SGCZ: variants seen among roughly 807,000 people sequenced by gnomAD.
SGCZ encodes zeta-sarcoglycan.
SGCZ carries 40 observed loss-of-function variants against 41.3 expected under a neutral mutation model. The observed-to-expected ratio is 0.97, with a 90% confidence interval of 0.75 to 1.26. The LOEUF is 1.26. SGCZ is among the 50% of genes most tolerant of loss of function. The probability of loss-of-function intolerance (pLI) is 0.00; values close to 1 mark genes in which losing one functional copy is unlikely to be tolerated. For synonymous variants in SGCZ, 206 were observed against 137.5 expected, an observed-to-expected ratio of 1.50 and a Z score of -3.49; for missense variants, 552 against 369.8, an observed-to-expected ratio of 1.49 and a Z score of -4.04.
intron 1 of SGCZ, among the ~76,000 whole-genome samples, chr8:15,192,819 GT>G (rs750271893): frequency 2.0e-4 from 31 of 151,954 alleles, no homozygotes; most frequent in Admixed American, 1.3e-4. Flanking sequence ...CATTCTTGTG[GT>G]TTCTCACTCC....
chr8:14,637,445 C>A (rs1002815765), intron 1 of SGCZ, among the ~76,000 whole-genome samples: 2 of 151,602 alleles, frequency 1.3e-5, no homozygotes, highest in African/African-American at 2.4e-5. Context: ...ACAGAATAGG[C>A]GATTTTTCAA....
chr8:14,514,859 C>G (rs1414506043), intron 2 of SGCZ, among the ~76,000 whole-genome samples: 2 of 148,022 alleles, frequency 1.4e-5, no homozygotes, highest in African/African-American at 4.9e-5. Context: ...TATATGAACC[C>G]ATAGACAGAA....
At chr8:14,344,093 G>A (rs755713880) in intron 2 of SGCZ, among the ~76,000 whole-genome samples, 34 of 152,128 alleles carry the variant, frequency 2.2e-4, no homozygotes, top group Non-Finnish European at 4.6e-4. Flanking sequence ...TTATTGATGG[G>A]CACAGCGAGA....
chr8:15,049,033 G>A (rs528750594), intron 1 of SGCZ, among the ~76,000 whole-genome samples: 3 of 152,092 alleles, frequency 2.0e-5, no homozygotes, highest in Non-Finnish European at 4.4e-5. Context: ...AGTATCCTGA[G>A]AAATCATTTA....
chr8:14,920,465 G>T (rs557624233), intron 1 of SGCZ, among the ~76,000 whole-genome samples: 3 of 152,010 alleles, frequency 2.0e-5, no homozygotes, highest in Non-Finnish European at 2.9e-5. Flanking sequence ...ATGGAGTTGG[G>T]ATAATAAAAA....
rs544613389 is a variant in SGCZ, at chr8:14,764,222, G to A, written c.40-209296C>T. Among the ~76,000 whole-genome samples the A allele has an allele frequency of 8.9e-4, 136 of 152,292 alleles. 1 individual carries two copies. The highest frequency in any genetic ancestry group is 1.8e-3 in the Non-Finnish European group (121 of 68,024). On this transcript the variant is annotated intron_variant, in intron 1 of 7. Transcript: ENST00000382080. ...CACAGAAATATGTCAGATAATGAAT[G>A]TAGATATGTTAGAACTTTTAAAATC...
intron 1 of SGCZ, among the ~76,000 whole-genome samples, chr8:14,587,906 G>C (rs1805113226): frequency 6.6e-6 from 1 of 152,060 alleles, no homozygotes; most frequent in Non-Finnish European, 1.5e-5. Context: ...GCTTGTAAGA[G>C]ACTCAAAATT....
intron 5 of SGCZ, among the ~76,000 whole-genome samples, chr8:14,122,143 G>A (rs991387757): frequency 3.3e-5 from 5 of 152,152 alleles, no homozygotes; most frequent in Non-Finnish European, 5.9e-5. Flanking sequence ...CGCGCATGGC[G>A]GCAGGCGCCT....
At chr8:14,606,009 C>T (rs1160410714) in intron 1 of SGCZ, among the ~76,000 whole-genome samples, 2 of 151,866 alleles carry the variant, frequency 1.3e-5, no homozygotes, top group Non-Finnish European at 2.9e-5. Flanking sequence ...TTCTGTATAC[C>T]TTTCTCTATG....
intron 1 of SGCZ, among the ~76,000 whole-genome samples, chr8:14,646,854 A>T (rs1807238331): frequency 6.6e-6 from 1 of 151,972 alleles, no homozygotes; most frequent in Non-Finnish European, 1.5e-5. Flanking sequence ...GGCAAGTAAG[A>T]CAGAGACCCT....
intron 1 of SGCZ, among the ~76,000 whole-genome samples, chr8:14,732,246 G>A (rs894717919): frequency 6.6e-6 from 1 of 151,916 alleles, no homozygotes; most frequent in African/African-American, 2.4e-5. Flanking sequence ...ACACATCCCT[G>A]CCTGCAGCTC....
chr8:14,148,203 G>T (rs1280166105), intron 5 of SGCZ, among the ~76,000 whole-genome samples: 1 of 151,886 alleles, frequency 6.6e-6, no homozygotes, highest in African/African-American at 2.4e-5. Context: ...TAAAATATTA[G>T]AGCAGAGATA....
intron 1 of SGCZ, among the ~76,000 whole-genome samples, chr8:15,182,243 C>A (rs1800200613): frequency 1.3e-5 from 2 of 152,036 alleles, no homozygotes; most frequent in African/African-American, 4.8e-5. Flanking sequence ...ATACAACAAA[C>A]CTAGATTATC....
Position 14,860,652 on chromosome 8 carries a change from AAAAG to A in SGCZ, c.40-305730_40-305727del, listed in dbSNP as rs201035100. Among the ~76,000 whole-genome samples the A allele has an allele frequency of 4.8e-3, 720 of 150,690 alleles. 7 individuals are homozygous for A. The highest frequency in any genetic ancestry group is 0.016 in the African/African-American group (641 of 40,706). Reference sequence around the variant, plus strand: ...GACAAAGAGAGAAAGAAAAGACAGAAAAAGAAAGAAAGAAAGAGGGAAAGAGAGA... The same window carrying A: ...GACAAAGAGAGAAAGAAAAGACAGAAAAAGAAAGAAAGAGGGAAAGAGAGA... On this transcript the variant is annotated intron_variant, in intron 1 of 7. Coordinates refer to ENST00000382080, the MANE Select transcript of SGCZ (RefSeq NM_139167.4).
chr8:14,309,566 T>A, intron 3 of SGCZ: 1 of 1,610,720 alleles, frequency 6.2e-7, no homozygotes, highest in Non-Finnish European at 8.5e-7. Context: ...AGGGACGGTA[T>A]AACAAGGAAA....
chr8:14,192,223 G>A (rs1237257981), intron 4 of SGCZ, among the ~76,000 whole-genome samples: 1 of 151,880 alleles, frequency 6.6e-6, no homozygotes, highest in Admixed American at 6.6e-5. Flanking sequence ...TTTTTATTTA[G>A]CAATTATTAT....
chr8:14,232,027 C>T (rs1204047195), intron 4 of SGCZ, among the ~76,000 whole-genome samples: 2 of 151,786 alleles, frequency 1.3e-5, no homozygotes, highest in South Asian at 2.1e-4. Context: ...AACATGGATG[C>T]TATTATTAAT....
chr8:14,812,230 C>A (rs976980660), intron 1 of SGCZ, among the ~76,000 whole-genome samples: 11 of 151,834 alleles, frequency 7.2e-5, no homozygotes, highest in African/African-American at 2.7e-4. Context: ...AAAATATTTA[C>A]TTGTAAATCA....
chr8:14,621,059 A>G (rs1410257211), intron 1 of SGCZ, among the ~76,000 whole-genome samples: 2 of 151,976 alleles, frequency 1.3e-5, no homozygotes, highest in African/African-American at 4.8e-5. Flanking sequence ...TCAATGATAG[A>G]TTGGATTAAG....
Sources: allele counts gnomAD v4.1 joint callset (sites outside exome capture counted in the v4.1 genomes callset), GRCh38; gene constraint gnomAD v4.1.1; transcripts MANE v1.5; gene names NCBI Gene and HGNC (gene_info 2026-07-23, HGNC 2026-07-21).